Variants in CBLB observed in about 807,000 individuals in gnomAD.
CBLB encodes the protein Cbl proto-oncogene B.
CBLB carries 31 observed loss-of-function variants against 104.9 expected under a neutral mutation model. The ratio of observed to expected loss-of-function variants is 0.30; its 90% CI spans 0.22 to 0.40. CBLB has a LOEUF of 0.40. CBLB is among the 10% of genes least tolerant of loss of function. The pLI is 1.00. For missense variants in CBLB, 1,062 were observed against 1,214.6 expected, an observed-to-expected ratio of 0.87 and a Z score of 1.87; for synonymous variants, 440 against 422.6, an observed-to-expected ratio of 1.04 and a Z score of -0.51.
chr3:105,706,795 A>G (rs1389873611), intron 10 of CBLB, among the ~76,000 whole-genome samples: 1 of 152,224 alleles, frequency 6.6e-6, no homozygotes, highest in Non-Finnish European at 1.5e-5. Context: ...ATTTTTTTAT[A>G]TATAGAAAGA....
At chr3:105,792,281 C>A (rs1412473513) in intron 3 of CBLB, among the ~76,000 whole-genome samples, 1 of 152,180 alleles carries the variant, frequency 6.6e-6, no homozygotes, top group Non-Finnish European at 1.5e-5. Flanking sequence ...TCAGTACTTA[C>A]TTAAAGATTT....
chr3:105,718,396 T>C (rs1294005982), intron 10 of CBLB, among the ~76,000 whole-genome samples: 1 of 152,170 alleles, frequency 6.6e-6, no homozygotes, highest in East Asian at 1.9e-4. Context: ...AATTTGTATG[T>C]AAAATATCCT....
intron 3 of CBLB, among the ~76,000 whole-genome samples, chr3:105,817,920 T>C (rs1175825510): frequency 6.6e-6 from 1 of 152,220 alleles, no homozygotes; most frequent in Non-Finnish European, 1.5e-5. Context: ...TGTCTTTCAA[T>C]TTATTATTTT....
At position 105,685,455 on chromosome 3, in the gene CBLB, G is replaced by A. The variant is rs151321164; in HGVS notation, c.2066C>T (p.Pro689Leu). The A allele has an allele frequency of 3.3e-4, 538 of 1,612,758 alleles. No individual in the cohort carries two copies. The highest frequency in any genetic ancestry group is 4.2e-4 in the Non-Finnish European group (492 of 1,179,230). ...TTTCTCTGAAAGAGAATTTGCTAAC[G>A]GACCAGTACACCTACCAGGGGAAAA... ...TLLPSIKCTG[P>L]LANSLSEKTR... is the part of the protein sequence containing the mutation. The change falls in exon 14 of 19, where the codon CCG becomes CTG. Residue 689 changes from proline (P) to leucine (L), a missense_variant. Pro to Leu is a moderately conservative substitution (Grantham distance 98). Coordinates refer to ENST00000394030, the MANE Select transcript of CBLB (RefSeq NM_170662.5).
intron 3 of CBLB, among the ~76,000 whole-genome samples, chr3:105,826,978 A>G (rs2086677595): frequency 6.6e-6 from 1 of 152,216 alleles, no homozygotes; most frequent in Non-Finnish European, 1.5e-5. Flanking sequence ...ACATACACTT[A>G]CAGCTATGCA....
At chr3:105,711,926 T>C (rs1389236779) in intron 10 of CBLB, among the ~76,000 whole-genome samples, 3 of 152,104 alleles carry the variant, frequency 2.0e-5, no homozygotes, top group Non-Finnish European at 4.4e-5. Context: ...CAGAAACCTA[T>C]ATATTAAGAA....
At chr3:105,750,749 C>A (rs1397795238) in intron 5 of CBLB, among the ~76,000 whole-genome samples, 1 of 151,868 alleles carries the variant, frequency 6.6e-6, no homozygotes, top group Non-Finnish European at 1.5e-5. Context: ...TATGTGAAAA[C>A]AATTATGGAA....
At chr3:105,698,914 T>G (rs563831740) in intron 12 of CBLB, among the ~76,000 whole-genome samples, 29 of 152,192 alleles carry the variant, frequency 1.9e-4, no homozygotes, top group Admixed American at 1.9e-3. Context: ...AAATCCTATT[T>G]TAAATAAGAA....
chr3:105,697,714 C>G (rs1450433596), intron 12 of CBLB, among the ~76,000 whole-genome samples: 1 of 152,036 alleles, frequency 6.6e-6, no homozygotes, highest in Non-Finnish European at 1.5e-5. Context: ...ATTTATCTTG[C>G]AGCATCTTCA....
At chr3:105,678,775 T>TAC (rs1482101401) in intron 16 of CBLB, among the ~76,000 whole-genome samples, 1 of 152,134 alleles carries the variant, frequency 6.6e-6, no homozygotes, top group African/African-American at 2.4e-5. Flanking sequence ...TGCACACATA[T>TAC]ACATACATAC....
At chr3:105,732,817 C>T (rs961293353) in intron 9 of CBLB, among the ~76,000 whole-genome samples, 1 of 152,108 alleles carries the variant, frequency 6.6e-6, no homozygotes, top group African/African-American at 2.4e-5. Context: ...CAAAGAAAAT[C>T]AAGGACTGAG....
At chr3:105,676,210 C>G (rs1282442378) in intron 17 of CBLB, among the ~76,000 whole-genome samples, 4 of 151,882 alleles carry the variant, frequency 2.6e-5, no homozygotes, top group Non-Finnish European at 4.4e-5. Flanking sequence ...AAAATAAATA[C>G]AACGGTTTAT....
intron 3 of CBLB, among the ~76,000 whole-genome samples, chr3:105,790,211 T>A (rs1016038245): frequency 6.6e-6 from 1 of 152,238 alleles, no homozygotes; most frequent in African/African-American, 2.4e-5. Context: ...GATTGTATAC[T>A]TTTTTAAAAT....
At chr3:105,841,609 C>G (rs564788829) in intron 3 of CBLB, among the ~76,000 whole-genome samples, 44 of 151,886 alleles carry the variant, frequency 2.9e-4, no homozygotes, top group South Asian at 6.3e-4. Context: ...CCCGCCACCA[C>G]GCCCAGCTAA....
At chr3:105,814,258 G>A (rs1041379534) in intron 3 of CBLB, among the ~76,000 whole-genome samples, 6 of 152,076 alleles carry the variant, frequency 3.9e-5, no homozygotes, top group South Asian at 2.1e-4. Context: ...AAAATGTGAC[G>A]GAAAATAAAA....
intron 4 of CBLB, among the ~76,000 whole-genome samples, chr3:105,752,247 T>C (rs967104719): frequency 6.6e-6 from 1 of 152,256 alleles, no homozygotes; most frequent in Non-Finnish European, 1.5e-5. Flanking sequence ...ATTACTTTAT[T>C]CTGACTGAAT....
intron 13 of CBLB, among the ~76,000 whole-genome samples, chr3:105,685,900 C>T (rs1194322321): frequency 6.6e-6 from 1 of 152,038 alleles, no homozygotes; most frequent in Non-Finnish European, 1.5e-5. Flanking sequence ...AATGGTCAAA[C>T]TTTTTGTCTC....
chr3:105,840,596 A>T lies in CBLB; in HGVS notation c.419+12818T>A, dbSNP rs115712239. Among the ~76,000 whole-genome samples, 787 of 152,276 alleles carry T rather than the reference A, an allele frequency of 5.2e-3. 8 individuals carry two copies. The highest frequency in any genetic ancestry group is 0.018 in the African/African-American group (742 of 41,554). On this transcript the variant is annotated intron_variant, in intron 3 of 18. Transcript: ENST00000394030. ...GGCTCAGACATGCCAACTGGTAACG[A>T]AACTTCATTTAGAAATATATCACAC...
Position 105,702,474 on chromosome 3 carries a change from G to GACAAAAAA in CBLB, c.1594-16_1594-15insTTTTTTGT. The GACAAAAAA allele has an allele frequency of 6.0e-6, 1 of 165,584 alleles. No homozygotes were observed. The highest frequency in any genetic ancestry group is 9.5e-6 in the Non-Finnish European group (1 of 105,770). 10.3% of individuals were successfully genotyped at this position (165,584 alleles called of 1,614,324 possible). A position where few individuals can be genotyped will look rare whatever the true frequency, so the allele number is the denominator to read the frequency against. ...CAAGGAGAAGACTAAAGAAACAGAA[G>GACAAAAAA]AGAAAAAAAAAAAAAAAAAAAAAAA... is the stretch of plus-strand genomic sequence containing the variant. On this transcript the variant is annotated splice_polypyrimidine_tract_variant and intron_variant, in intron 11 of 18. Coordinates refer to ENST00000394030, the MANE Select transcript of CBLB (RefSeq NM_170662.5).
Sources: allele counts gnomAD v4.1 joint callset (sites outside exome capture counted in the v4.1 genomes callset), GRCh38; gene constraint gnomAD v4.1.1; transcripts MANE v1.5; gene names NCBI Gene and HGNC (gene_info 2026-07-23, HGNC 2026-07-21).